The following ABCA10 variants were observed in gnomAD, a reference collection of about 807,000 sequenced individuals.
The protein encoded by ABCA10 is ATP binding cassette subfamily A member 10, also known as ATP-binding cassette sub-family A member 10.
A neutral mutation model predicts 187.5 loss-of-function variants in ABCA10; 169 were observed. That is an observed-to-expected ratio of 0.90 (90% confidence interval 0.80 to 1.02). The LOEUF is 1.02. Among genes scored for constraint, ABCA10 ranks in the 50% least tolerant of loss-of-function variants. The pLI, the probability that ABCA10 is intolerant of heterozygous loss-of-function variation, is 0.00. For synonymous variants in ABCA10, 574 were observed against 601.8 expected (o/e 0.95, Z 0.68); for missense variants, 1,727 against 1,812.4 (o/e 0.95, Z 0.86).
intron 22 of ABCA10, among the ~76,000 whole-genome samples, chr17:69,176,382 C>T (rs2074333981): frequency 6.6e-6 from 1 of 151,528 alleles, no homozygotes; most frequent in Non-Finnish European, 1.5e-5. Flanking sequence ...AAGTTTTTTT[C>T]AAGACACTGT....
Position 69,185,576 on chromosome 17 carries a change from C to G in ABCA10, c.2398G>C (p.Glu800Gln). The change falls in exon 20 of 39, where the codon GAA becomes CAA. Residue 800 changes from glutamate (E) to glutamine (Q), a missense_variant. Coordinates refer to ENST00000690296, the MANE Select transcript of ABCA10 (RefSeq NM_001377321.1). ...GGTGAAAACTCCCAACAATGAGTTT[C>G]ACGAGTTACTTTATACATTATCTTC... is the stretch of plus-strand genomic sequence containing the variant. Reference protein sequence around the residue: ...LEKIMYKVTRETHCWEFSPSM... With the variant: ...LEKIMYKVTRQTHCWEFSPSM... 1 of 1,612,926 alleles carries G rather than the reference C, an allele frequency of 6.2e-7. No individual in the cohort carries two copies.
chr17:69,192,725 T>C (rs1293514893), intron 15 of ABCA10, 72 bp from the exon 16 acceptor site: 10 of 1,283,898 alleles, frequency 7.8e-6, no homozygotes, highest in Non-Finnish European at 1.1e-5. Flanking sequence ...CTACTTTGGA[T>C]ACTAAAACAC....
chr17:69,153,387 G>C lies in ABCA10; in HGVS notation c.4054C>G (p.Leu1352Val). Reference protein sequence around the residue: ...EGIKRKLCFVLSILGNPSVVL... With the variant: ...EGIKRKLCFVVSILGNPSVVL... The stretch of plus-strand genomic sequence containing the variant: ...ACTGATGGGTTCCCCAGGATGCTCA[G>C]CACAAAGCACAGCTGCAATGCAAGG... Residue 1352 changes from leucine (L) to valine (V), a missense_variant, in exon 34 of 39, where the codon CTG becomes GTG. By Grantham distance (32) the Leu-to-Val change is conservative (BLOSUM62 1). Transcript: ENST00000690296. 1 of 1,613,666 alleles carries C rather than the reference G, an allele frequency of 6.2e-7. No individual in the cohort carries two copies. Among genetic ancestry groups the C allele is most frequent in the East Asian group, 2.2e-5 (1 of 44,878 alleles).
chr17:69,222,023 A>G, intron 4 of ABCA10, 128 bp from the exon 5 acceptor site: 1 of 700,012 alleles, frequency 1.4e-6, no homozygotes, highest in Non-Finnish European at 2.3e-6. Flanking sequence ...TATATGATAT[A>G]GAGGATTTTT....
intron 9 of ABCA10, among the ~76,000 whole-genome samples, chr17:69,205,532 A>T (rs1343967624): frequency 6.6e-6 from 1 of 152,256 alleles, no homozygotes. Flanking sequence ...CAATTCTATT[A>T]ATATTTAAAA....
chr17:69,148,704 C>G lies in ABCA10; in HGVS notation c.*123G>C. 2 of 834,178 alleles carry G rather than the reference C, an allele frequency of 2.4e-6. No individual in the cohort carries two copies. Among genetic ancestry groups the G allele is most frequent in the Non-Finnish European group, 3.6e-6 (2 of 549,802 alleles). 51.7% of individuals were successfully genotyped at this position (834,178 alleles called of 1,614,324 possible). On this transcript the variant is annotated 3_prime_UTR_variant, in exon 39 of 39. Transcript: ENST00000690296. ...AATTTTTAAAAATGAAAACTGTAAT[C>G]ATTATTGAATGTTTATTAAATGTTT...
Position 69,152,392 on chromosome 17 carries a change from C to T in ABCA10, c.4226G>A (p.Arg1409His), listed in dbSNP as rs142258568. 5.1e-5 allele frequency: 82 copies of T among 1,613,842 alleles called. No individual in the cohort carries two copies. The South Asian group carries it at 5.7e-4, about 11-fold the overall frequency. Residue 1409 changes from arginine (R) to histidine (H), a missense_variant, in exon 35 of 39, where the codon CGT (arginine) becomes CAT (histidine). Transcript: ENST00000690296. ...YMSEAEAVCD[R>H]MAMMVSGTLR... ...CGTTCCTGACACCATCATGGCCATA[C>T]GGTCACACACAGCCTCAGCCTCTGA...
At chr17:69,178,787 A>T (rs910597908) in intron 22 of ABCA10, 3 of 152,208 alleles carry the variant, frequency 2.0e-5, no homozygotes, top group Non-Finnish European at 4.4e-5. Context: ...TGTTTTCTTT[A>T]AAAAGAAAAT....
At chr17:69,219,794 T>A in intron 5 of ABCA10, 23 bp from the exon 6 acceptor site, 2 of 1,476,016 alleles carry the variant, frequency 1.4e-6, no homozygotes, top group Non-Finnish European at 1.8e-6. Flanking sequence ...ATTAGCAAAT[T>A]TATTATGTGA....
At chr17:69,195,212 A>C (rs1432433690) in intron 11 of ABCA10, among the ~76,000 whole-genome samples, 3 of 152,210 alleles carry the variant, frequency 2.0e-5, no homozygotes, top group African/African-American at 7.2e-5. Flanking sequence ...AGATTGTCAG[A>C]GCGTCAAAAA....
chr17:69,172,466 C>T (rs2074305281), intron 25 of ABCA10, among the ~76,000 whole-genome samples: 1 of 152,018 alleles, frequency 6.6e-6, no homozygotes, highest in South Asian at 2.1e-4. Flanking sequence ...AAGAAGATGG[C>T]CCTCTATAAG....
chr17:69,165,133 C>A (rs756682611), intron 25 of ABCA10, 50 bp from the exon 26 acceptor site: 56 of 1,400,848 alleles, frequency 4.0e-5, no homozygotes, highest in Non-Finnish European at 4.7e-5. Flanking sequence ...TATTTGATAT[C>A]TTAAGATATT....
chr17:69,225,448 G>T lies in ABCA10; in HGVS notation c.-90C>A. On this transcript the variant is annotated 5_prime_UTR_variant, in exon 3 of 39. Coordinates refer to ENST00000690296, the MANE Select transcript of ABCA10 (RefSeq NM_001377321.1). ...TCCACGCTTCCCAGGACTTTAGGAG[G>T]TTGTTCAGGAAAACGGGTAGCTCTG... 7.1e-7 allele frequency: 1 copy of T among 1,409,510 alleles called. No individual in the cohort carries two copies. Among genetic ancestry groups the T allele is most frequent in the Non-Finnish European group, 9.9e-7 (1 of 1,006,748 alleles). The allele number at this position is 1,409,510 out of a possible 1,614,324, so 87.3% of individuals were successfully genotyped here. A position where few individuals can be genotyped will look rare whatever the true frequency, so the allele number is the denominator to read the frequency against.
At chr17:69,213,082 G>C (rs1445123260) in intron 9 of ABCA10, among the ~76,000 whole-genome samples, 1 of 152,208 alleles carries the variant, frequency 6.6e-6, no homozygotes, top group Non-Finnish European at 1.5e-5. Context: ...GCAAGTGGTA[G>C]AATTATCTGT....
intron 17 of ABCA10, among the ~76,000 whole-genome samples, chr17:69,190,748 T>C (rs902815785): frequency 2.6e-5 from 4 of 151,902 alleles, no homozygotes; most frequent in Admixed American, 1.3e-4. Flanking sequence ...TGTATGTCTA[T>C]CTAAAAATTT....
chr17:69,187,626 T>C, intron 19 of ABCA10, 55 bp downstream of exon 19: 1 of 1,489,240 alleles, frequency 6.7e-7, no homozygotes, highest in Non-Finnish European at 9.1e-7. Context: ...TTTCTTAATA[T>C]TTGAATGTTT....
At chr17:69,167,790 T>C (rs1184892540) in intron 25 of ABCA10, among the ~76,000 whole-genome samples, 1 of 152,102 alleles carries the variant, frequency 6.6e-6, no homozygotes, top group East Asian at 1.9e-4. Context: ...ATACAGGCAC[T>C]GAAACAAAAG....
At chr17:69,154,890 A>G in intron 30 of ABCA10, 129 bp downstream of exon 30, 1 of 592,922 alleles carries the variant, frequency 1.7e-6, no homozygotes, top group Non-Finnish European at 2.8e-6. Context: ...CATGTGAAGA[A>G]GTTTTATAAT....
In ABCA10 at chr17:69,219,698, A is replaced by C; in HGVS notation, c.377T>G (p.Ile126Ser). 1.9e-6 allele frequency: 3 copies of C among 1,612,210 alleles called. No individual in the cohort carries two copies. Among genetic ancestry groups the C allele is most frequent in the Non-Finnish European group, 2.5e-6 (3 of 1,179,068 alleles). ...TTCATTCATAATTTCTCCCTTAGAA[A>C]TGAAAGGTGGTATCTTCATATTTAT... is the stretch of plus-strand genomic sequence containing the variant. ...IGINMKIPPFISKGEIMNEWF... is the reference protein window; with the variant it reads ...IGINMKIPPFSSKGEIMNEWF... Residue 126 changes from isoleucine (I) to serine (S), a missense_variant, in exon 6 of 39, where the codon ATT becomes AGT. By Grantham distance (142) the Ile-to-Ser change is moderately radical. Coordinates refer to ENST00000690296, the MANE Select transcript of ABCA10 (RefSeq NM_001377321.1).
Sources: gnomAD v4.1 joint callset for allele counts (sites outside exome capture counted in the v4.1 genomes callset) on GRCh38, gnomAD v4.1.1 for gene constraint, MANE v1.5 for transcripts, NCBI Gene and HGNC (gene_info 2026-07-23, HGNC 2026-07-21) for gene names.